The following LILRA2 variants were observed in gnomAD, a reference collection of about 807,000 sequenced individuals.
LILRA2 encodes the protein leukocyte immunoglobulin like receptor A2.
Under a neutral mutation model 47.9 loss-of-function variants are expected in LILRA2, and 45 were observed. That is an observed-to-expected ratio of 0.94 (90% CI 0.74 to 1.20). The LOEUF is 1.20. Among genes scored for constraint, LILRA2 ranks in the 50% most tolerant of loss-of-function variants. LILRA2 has a pLI of 0.00. For missense variants in LILRA2, 651 were observed against 598.2 expected, an observed-to-expected ratio of 1.09 and a Z score of -0.92; for synonymous variants, 279 against 249.2, an observed-to-expected ratio of 1.12 and a Z score of -1.13.
chr19:54,587,209 G>C lies in LILRA2; in HGVS notation c.1315G>C (p.Gly439Arg). Residue 439 changes from glycine to arginine, a missense_variant, in exon 8 of 8, where the codon GGC becomes CGC. By Grantham distance (125) the Gly-to-Arg change is moderately radical. Coordinates refer to ENST00000391738, the MANE Select transcript of LILRA2 (RefSeq NM_001130917.3). ...GTGACCTCTTTGTCCAGCATCCCTA[G>C]GCCAACACCCCCAGGATTACACAGT... is the stretch of plus-strand genomic sequence containing the variant. ...NKTDSTTTSL[G>R]QHPQDYTVEN... The C allele has an allele frequency of 6.2e-7, 1 of 1,614,060 alleles. No homozygotes were observed. The highest frequency in any genetic ancestry group is 8.5e-7 in the Non-Finnish European group (1 of 1,179,980).
At chr19:54,583,385 C>T (rs2062700241) in intron 6 of LILRA2, among the ~76,000 whole-genome samples, 1 of 152,114 alleles carries the variant, frequency 6.6e-6, no homozygotes, top group Non-Finnish European at 1.5e-5. Flanking sequence ...TTAAAGTCTC[C>T]TATTATTATT....
chr19:54,579,565 T>A (rs2062579311), intron 6 of LILRA2, among the ~76,000 whole-genome samples: 1 of 152,200 alleles, frequency 6.6e-6, no homozygotes, highest in Admixed American at 6.5e-5. Context: ...TTTGTTCTTT[T>A]TGCTTAGGAT....
At chr19:54,575,638 G>C (rs2062388135) in intron 5 of LILRA2, 86 bp downstream of exon 5, 1 of 1,581,126 alleles carries the variant, frequency 6.3e-7, no homozygotes, top group South Asian at 1.2e-5. Context: ...CCGGAATGAG[G>C]GTTGGGGGTC....
intron 6 of LILRA2, among the ~76,000 whole-genome samples, chr19:54,585,187 T>A (rs1363990048): frequency 2.6e-5 from 4 of 152,142 alleles, no homozygotes; most frequent in African/African-American, 9.7e-5. Context: ...CTGTTTGAGG[T>A]GTCTGTTGGC....
In LILRA2 at chr19:54,573,840, C is replaced by T. The variant is rs1000107535; in HGVS notation, c.-39C>T. On this transcript the variant is annotated 5_prime_UTR_variant, in exon 1 of 8. Transcript: ENST00000391738. ...CTCTCTGTCCTGCCAGCACTGAGGG[C>T]TCATCCATCCGCAGAGCAGGGCAGT... 3.1e-6 allele frequency: 5 copies of T among 1,614,002 alleles called. No homozygotes were observed. The African/African-American group carries it at 5.3e-5, about 17-fold the overall frequency.
Position 54,589,382 on chromosome 19 carries a change from A to G in LILRA2, c.*2036A>G, listed in dbSNP as rs2062888473. On this transcript the variant is annotated 3_prime_UTR_variant, in exon 8 of 8. Transcript: ENST00000391738. The stretch of plus-strand genomic sequence containing the variant: ...GGTGGGTGTGGTGGTACACGCCTGT[A>G]ATCCCAGCTACTCAGGAGGCTGAGA... 1 of 152,176 alleles carries G rather than the reference A, an allele frequency of 6.6e-6. No individual in the cohort carries two copies. Among genetic ancestry groups the G allele is most frequent in the Non-Finnish European group, 1.5e-5 (1 of 68,044 alleles). The allele number at this position is 152,176 out of a possible 1,614,324, so 9.4% of individuals were successfully genotyped here.
Position 54,575,881 on chromosome 19 carries a change from C to G in LILRA2, c.1027C>G (p.Leu343Val). 1.2e-6 allele frequency: 2 copies of G among 1,613,890 alleles called. No individual in the cohort carries two copies. Among genetic ancestry groups the G allele is most frequent in the Non-Finnish European group, 1.7e-6 (2 of 1,179,872 alleles). Residue 343 changes from leucine to valine, a missense_variant, in exon 6 of 8, where the codon CTG becomes GTG. Leu to Val is a conservative substitution (Grantham distance 32, BLOSUM62 1). Transcript: ENST00000391738. Reference protein sequence around the residue: ...TVAPGKNVTLLCQSRGQFHTF... With the variant: ...TVAPGKNVTLVCQSRGQFHTF... ...AGCCCCAGGAAAGAACGTGACCCTG[C>G]TGTGTCAGTCACGGGGGCAGTTCCA... is the stretch of plus-strand genomic sequence containing the variant.
At chr19:54,585,592 G>A (rs2062776577) in intron 6 of LILRA2, among the ~76,000 whole-genome samples, 1 of 152,216 alleles carries the variant, frequency 6.6e-6, no homozygotes, top group East Asian at 1.9e-4. Context: ...TGTGAGACCT[G>A]CCGAGCCAGG....
chr19:54,574,476 C>G lies in LILRA2; in HGVS notation c.246C>G (p.Phe82Leu). Reference protein sequence around the residue: ...RIQEPGKNGQFPIPSITWEHA... With the variant: ...RIQEPGKNGQLPIPSITWEHA... The stretch of plus-strand genomic sequence containing the variant: ...AAGAGCCTGGGAAGAATGGCCAGTT[C>G]CCCATCCCATCCATCACCTGGGAAC... The change falls in exon 3 of 8, where the codon TTC (phenylalanine) becomes TTG (leucine). Residue 82 changes from phenylalanine (F) to leucine (L), a missense_variant. Coordinates refer to ENST00000391738, the MANE Select transcript of LILRA2 (RefSeq NM_001130917.3). 2.5e-6 allele frequency: 4 copies of G among 1,614,118 alleles called. No individual in the cohort carries two copies. The highest frequency in any genetic ancestry group is 3.4e-6 in the Non-Finnish European group (4 of 1,179,994).
At chr19:54,577,473 A>T (rs1214616970) in intron 6 of LILRA2, 40 of 1,283,538 alleles carry the variant, frequency 3.1e-5, no homozygotes, top group Non-Finnish European at 4.0e-5. Context: ...AGAGCCCCTG[A>T]GTATAAGCCC....
upstream of LILRA2, chr19:54,573,136 GC>G (rs1471519300): frequency 4.5e-5 from 12 of 265,478 alleles, no homozygotes; most frequent in Admixed American, 5.2e-4. Flanking sequence ...GATGTGAGCT[GC>G]CATGCCTGGC....
upstream of LILRA2, chr19:54,573,152 T>C: frequency 3.7e-6 from 1 of 270,296 alleles, no homozygotes; most frequent in Non-Finnish European, 7.3e-6. Context: ...CCTGGCTAAT[T>C]TTTTGCTTTT....
intron 6 of LILRA2, among the ~76,000 whole-genome samples, chr19:54,584,439 A>C (rs2062736621): frequency 1.3e-5 from 2 of 152,128 alleles, no homozygotes; most frequent in South Asian, 2.1e-4. Context: ...CTTTTCACAT[A>C]GTCCCATATT....
At position 54,574,103 on chromosome 19, in the gene LILRA2, T is replaced by G. The variant is rs541012063; in HGVS notation, c.62T>G (p.Val21Gly). The change falls in exon 2 of 8, where the codon GTG becomes GGG. Residue 21 changes from valine (V) to glycine (G), a missense_variant. Physicochemically the swap from Val to Gly is moderately radical, Grantham distance 109. Transcript: ENST00000391738. Reference protein sequence around the residue: ...LGLSLGPRTHVQAGHLPKPTL... With the variant: ...LGLSLGPRTHGQAGHLPKPTL... ...CTGAGTCTGGGCCCCAGGACCCACG[T>G]GCAGGCAGGTGAGTCTGTTCCCAGC... The G allele has an allele frequency of 8.1e-6, 13 of 1,614,246 alleles. No homozygotes were observed. The highest frequency in any genetic ancestry group is 7.7e-5 in the South Asian group (7 of 91,088).
intron 7 of LILRA2, 67 bp downstream of exon 7, chr19:54,587,127 G>A: frequency 1.9e-6 from 3 of 1,610,268 alleles, no homozygotes; most frequent in Non-Finnish European, 2.5e-6. Flanking sequence ...AGGGGAGGTG[G>A]GTGCCCTGGG....
chr19:54,574,894 C>T lies in LILRA2; in HGVS notation c.516C>T (p.Ala172=), dbSNP rs750130039. 9.3e-6 allele frequency: 15 copies of T among 1,614,252 alleles called. No individual in the cohort carries two copies. Among genetic ancestry groups the T allele is most frequent in the Non-Finnish European group, 1.3e-5 (15 of 1,180,038 alleles). Residue 172 remains alanine, a synonymous_variant, in exon 4 of 8, where the codon GCC becomes GCT. Transcript: ENST00000391738. ...HPQRLNSHSH[A]RGWSWAIFSV... is the part of the protein sequence containing the mutation. ...AACGCCTGAACTCCCATTCCCATGC[C>T]CGTGGGTGGTCCTGGGCCATCTTCT... is the stretch of plus-strand genomic sequence containing the variant.
chr19:54,582,660 C>G (rs2062677881), intron 6 of LILRA2, among the ~76,000 whole-genome samples: 1 of 152,030 alleles, frequency 6.6e-6, no homozygotes, highest in Non-Finnish European at 1.5e-5. Flanking sequence ...TTTGATTCTT[C>G]TCTCTTTTCT....
At chr19:54,583,551 G>T (rs2062705445) in intron 6 of LILRA2, among the ~76,000 whole-genome samples, 1 of 151,382 alleles carries the variant, frequency 6.6e-6, no homozygotes. Context: ...TTTGATCTTT[G>T]TTGGTTTAAA....
intron 6 of LILRA2, 50 bp from the exon 7 acceptor site, chr19:54,586,960 C>G (rs1303176385): frequency 1.4e-6 from 2 of 1,408,546 alleles, no homozygotes; most frequent in Admixed American, 1.9e-5. Flanking sequence ...AATGCAGAGC[C>G]CAGGAGTGAG....
Sources: allele counts gnomAD v4.1 joint callset (sites outside exome capture counted in the v4.1 genomes callset), GRCh38; gene constraint gnomAD v4.1.1; transcripts MANE v1.5; gene names NCBI Gene and HGNC (gene_info 2026-07-23, HGNC 2026-07-21).